The following INVS variants were observed in gnomAD, a reference collection of about 807,000 sequenced individuals.
INVS encodes the protein inversion of embryo turning homolog.
INVS carries 86 observed loss-of-function variants against 108.8 expected under a neutral mutation model. The observed-to-expected ratio is 0.79, with a 90% CI of 0.66 to 0.95. The LOEUF is 0.95. Among genes scored for constraint, INVS ranks in the 40% least tolerant of loss-of-function variants. The probability of loss-of-function intolerance (pLI) is 0.00; values close to 1 mark genes in which losing one functional copy is unlikely to be tolerated. For missense variants in INVS, 1,169 were observed against 1,297.4 expected (o/e 0.90, Z 1.52); for synonymous variants, 455 against 473.5 (o/e 0.96, Z 0.51).
chr9:100,183,794 G>GAAAAA (rs67231511), intron 3 of INVS, among the ~76,000 whole-genome samples: 1 of 68,688 alleles, frequency 1.5e-5, no homozygotes. Flanking sequence ...CTGTTTCAGG[G>GAAAAA]AAAAAAAAAA....
intron 10 of INVS, among the ~76,000 whole-genome samples, chr9:100,263,510 A>T (rs1003956518): frequency 6.6e-6 from 1 of 152,150 alleles, no homozygotes; most frequent in Non-Finnish European, 1.5e-5. Flanking sequence ...TGTATCACTT[A>T]TCTGTATAAT....
chr9:100,297,583 T>C (rs1024703522), intron 15 of INVS, among the ~76,000 whole-genome samples: 1 of 152,190 alleles, frequency 6.6e-6, no homozygotes, highest in Non-Finnish European at 1.5e-5. Context: ...TCAACACCCA[T>C]GCACTATAGT....
At chr9:100,286,925 T>A (rs1055528000) in intron 13 of INVS, among the ~76,000 whole-genome samples, 2 of 152,200 alleles carry the variant, frequency 1.3e-5, no homozygotes, top group African/African-American at 4.8e-5. Context: ...TTACTTGTCA[T>A]TTTTTCCACC....
chr9:100,175,426 A>G, intron 3 of INVS: 2 of 912,614 alleles, frequency 2.2e-6, no homozygotes, highest in Non-Finnish European at 3.6e-6. Flanking sequence ...GTCAAGAAAC[A>G]GATGACCAGA....
intron 2 of INVS, chr9:100,116,775 G>A (rs1257666889): frequency 1.4e-6 from 2 of 1,395,066 alleles, no homozygotes; most frequent in Non-Finnish European, 1.9e-6. Flanking sequence ...GCCACAGCTG[G>A]AGCCTGAGTC....
chr9:100,174,077 G>C (rs1829631711), intron 3 of INVS, among the ~76,000 whole-genome samples: 1 of 152,168 alleles, frequency 6.6e-6, no homozygotes, highest in Non-Finnish European at 1.5e-5. Context: ...CTAGACATGA[G>C]GACAAACAGT....
intron 10 of INVS, among the ~76,000 whole-genome samples, chr9:100,256,673 A>G (rs1243100004): frequency 6.6e-6 from 1 of 152,092 alleles, no homozygotes; most frequent in Non-Finnish European, 1.5e-5. Flanking sequence ...TTTGTTATGT[A>G]CCCAGTAGTC....
rs1449252482 is a variant in INVS at position 100,255,045 on chromosome 9, A to G, written c.1464+1909A>G. 2.0e-5 allele frequency among the ~76,000 whole-genome samples: 3 copies of G among 152,222 alleles called. No individual in the cohort carries two copies. The East Asian group carries it at 5.8e-4, about 29-fold the overall frequency. ...TTCACGATATTGATTCTTCCTATCC[A>G]TGAGCATGGAATGTTCTTCCATTTG... On this transcript the variant is annotated intron_variant, in intron 10 of 16. Coordinates refer to ENST00000262457, the MANE Select transcript of INVS (RefSeq NM_014425.5).
intron 3 of INVS, among the ~76,000 whole-genome samples, chr9:100,140,986 A>C (rs1046774618): frequency 6.6e-6 from 1 of 152,196 alleles, no homozygotes; most frequent in Non-Finnish European, 1.5e-5. Flanking sequence ...AGCAAAGATT[A>C]TTTATTTACT....
At chr9:100,258,704 G>A (rs1318547659) in intron 10 of INVS, among the ~76,000 whole-genome samples, 3 of 152,186 alleles carry the variant, frequency 2.0e-5, no homozygotes, top group African/African-American at 4.8e-5. Flanking sequence ...GTTTGCCTGG[G>A]TATCACCAGC....
At chr9:100,292,192 GT>G (rs1833639062) in intron 13 of INVS, 133 bp from the exon 14 acceptor site, 3 of 839,850 alleles carry the variant, frequency 3.6e-6, no homozygotes, top group East Asian at 2.6e-5. Flanking sequence ...AAGTTAAACC[GT>G]TTTTTTCCTA....
At chr9:100,174,962 C>G (rs1829663796) in intron 3 of INVS, among the ~76,000 whole-genome samples, 1 of 151,930 alleles carries the variant, frequency 6.6e-6, no homozygotes, top group Non-Finnish European at 1.5e-5. Flanking sequence ...TTGCTGAAAA[C>G]CAAAGATGAA....
chr9:100,117,195 C>G, intron 2 of INVS: 1 of 1,059,084 alleles, frequency 9.4e-7, no homozygotes. Context: ...GTGGTGGCCA[C>G]TTCCTTGGAG....
chr9:100,178,721 G>A (rs897724877), intron 3 of INVS, among the ~76,000 whole-genome samples: 2 of 152,180 alleles, frequency 1.3e-5, no homozygotes, highest in Non-Finnish European at 2.9e-5. Flanking sequence ...CACTCTTCAG[G>A]ATATTATCCG....
At chr9:100,100,746 G>GTACATATATAATATATATATTATATA (rs1826856126) in intron 1 of INVS, among the ~76,000 whole-genome samples, 2 of 19,838 alleles carry the variant, frequency 1.0e-4, no homozygotes, top group Non-Finnish European at 1.8e-4. Context: ...TATATTATAT[G>GTACATATATAATATATATATTATATA]TACATATAAT....
chr9:100,128,097 A>T (rs1370740429), intron 3 of INVS, among the ~76,000 whole-genome samples: 2 of 152,184 alleles, frequency 1.3e-5, no homozygotes, highest in Admixed American at 1.3e-4. Flanking sequence ...TCAGTTGATG[A>T]TCCAACAGTA....
At chr9:100,181,963 A>C (rs1353095018) in intron 3 of INVS, among the ~76,000 whole-genome samples, 3 of 152,168 alleles carry the variant, frequency 2.0e-5, no homozygotes, top group Non-Finnish European at 2.9e-5. Context: ...ATAACCCAAC[A>C]CATCTACAAC....
chr9:100,233,925 G>A (rs1203779927), intron 5 of INVS, among the ~76,000 whole-genome samples: 4 of 152,108 alleles, frequency 2.6e-5, no homozygotes, highest in Non-Finnish European at 5.9e-5. Context: ...CTATTGTTTG[G>A]AATAGTTTCA....
intron 3 of INVS, among the ~76,000 whole-genome samples, chr9:100,197,813 C>G (rs1363439109): frequency 6.6e-6 from 1 of 152,114 alleles, no homozygotes; most frequent in Non-Finnish European, 1.5e-5. Flanking sequence ...TACAGTCAGA[C>G]AAGGTAGGTC....
Sources: gnomAD v4.1 joint callset for allele counts (sites outside exome capture counted in the v4.1 genomes callset) on GRCh38, gnomAD v4.1.1 for gene constraint, MANE v1.5 for transcripts, NCBI Gene and HGNC (gene_info 2026-07-23, HGNC 2026-07-21) for gene names.